Variants in LRBA observed in about 807,000 individuals in gnomAD.
LRBA encodes LPS responsive beige-like anchor protein.
Under a neutral mutation model 330.0 loss-of-function variants are expected in LRBA, and 176 were observed. The observed-to-expected ratio is 0.53, with a 90% CI of 0.47 to 0.60. The LOEUF (loss-of-function observed/expected upper bound fraction) is 0.60. Among genes scored for constraint, LRBA ranks in the 20% least tolerant of loss-of-function variants. The pLI is 0.00. For synonymous variants in LRBA, 1,230 were observed against 1,193.0 expected (o/e 1.03, Z -0.64); for missense variants, 3,259 against 3,444.8 (o/e 0.95, Z 1.35).
At chr4:150,579,566 T>C (rs1770973285) in intron 40 of LRBA, 1 of 427,174 alleles carries the variant, frequency 2.3e-6, no homozygotes. Flanking sequence ...ATCAAAACAT[T>C]TGTAACGTTT....
intron 22 of LRBA, among the ~76,000 whole-genome samples, chr4:150,855,224 C>T (rs1751083665): frequency 1.3e-5 from 2 of 152,288 alleles, no homozygotes; most frequent in East Asian, 3.9e-4. Context: ...AATAGCACCA[C>T]TGCACTCCAC....
At chr4:150,790,882 T>G (rs1193208910) in intron 34 of LRBA, among the ~76,000 whole-genome samples, 1 of 152,078 alleles carries the variant, frequency 6.6e-6, no homozygotes, top group East Asian at 1.9e-4. Context: ...ACAATATGAG[T>G]GTATTAGAAG....
At chr4:150,730,324 A>G (rs78116741) in intron 36 of LRBA, among the ~76,000 whole-genome samples, 40 of 152,328 alleles carry the variant, frequency 2.6e-4, no homozygotes, top group Non-Finnish European at 5.4e-4. Flanking sequence ...CCAATTTAAA[A>G]ATGGGCAAAA....
intron 40 of LRBA, among the ~76,000 whole-genome samples, chr4:150,568,391 A>C (rs1304410938): frequency 1.3e-5 from 2 of 152,160 alleles, no homozygotes; most frequent in African/African-American, 4.8e-5. Context: ...AACTAGAATA[A>C]AGCATGTATT....
At chr4:150,982,046 C>A (rs969176398) in intron 2 of LRBA, among the ~76,000 whole-genome samples, 102 of 151,274 alleles carry the variant, frequency 6.7e-4, no homozygotes, top group African/African-American at 2.4e-3. Flanking sequence ...AATGATGCAT[C>A]TTACAATAGC....
intron 19 of LRBA, among the ~76,000 whole-genome samples, chr4:150,871,132 A>C (rs1482481926): frequency 6.6e-6 from 1 of 152,188 alleles, no homozygotes; most frequent in Non-Finnish European, 1.5e-5. Flanking sequence ...AATCCCAGCT[A>C]CTGGGGAGGC....
chr4:150,924,938 T>C (rs1224083178), intron 4 of LRBA, among the ~76,000 whole-genome samples: 2 of 152,098 alleles, frequency 1.3e-5, no homozygotes, highest in Non-Finnish European at 2.9e-5. Context: ...ATCCTAGCAC[T>C]CTGGGAGGAC....
At chr4:150,874,620 G>C (rs1314066348) in intron 17 of LRBA, among the ~76,000 whole-genome samples, 1 of 152,196 alleles carries the variant, frequency 6.6e-6, no homozygotes, top group East Asian at 1.9e-4. Flanking sequence ...ATGTGTCATT[G>C]CTGGGTGCTC....
chr4:150,624,576 C>G (rs1401654407), intron 37 of LRBA, among the ~76,000 whole-genome samples: 3 of 151,966 alleles, frequency 2.0e-5, no homozygotes, highest in Non-Finnish European at 4.4e-5. Context: ...TAATCTTGAA[C>G]AACAAATGTG....
At chr4:150,671,031 TGTGTGTGTGTGA>T (rs933168073) in intron 37 of LRBA, among the ~76,000 whole-genome samples, 1 of 147,620 alleles carries the variant, frequency 6.8e-6, no homozygotes, top group African/African-American at 2.6e-5. Context: ...TGTGTGTGTG[TGTGTGTGTGTGA>T]GAGAGAGAGA....
At position 150,639,791 on chromosome 4, in the gene LRBA, GTATATATATATATA is replaced by G. The variant is rs1159678626; in HGVS notation, c.5922-40674_5922-40661del. On this transcript the variant is annotated intron_variant, in intron 37 of 56. Transcript: ENST00000651943. ...TATATATATATATATATGTGTGTGT[GTATATATATATATA>G]TGTGTGTGTGTGTGTATATATATAT... 5.3e-4 allele frequency among the ~76,000 whole-genome samples: 3 copies of G among 5,638 alleles called. 1 individual carries two copies. Among genetic ancestry groups the G allele is most frequent in the Admixed American group, 7.4e-3 (2 of 272 alleles). The allele number at this position is 5,638 out of a possible 152,430, so 3.7% of individuals were successfully genotyped here.
intron 37 of LRBA, among the ~76,000 whole-genome samples, chr4:150,651,752 T>C (rs1269841634): frequency 2.0e-5 from 3 of 152,158 alleles, no homozygotes; most frequent in African/African-American, 7.2e-5. Flanking sequence ...CAGTAGGCAA[T>C]GTATTATGTT....
chr4:150,850,768 A>C lies in LRBA; in HGVS notation c.3960T>G (p.Thr1320=), dbSNP rs1560912818. The C allele has an allele frequency of 2.5e-6, 4 of 1,613,442 alleles. No individual in the cohort carries two copies. Among genetic ancestry groups the C allele is most frequent in the Non-Finnish European group, 3.4e-6 (4 of 1,179,562 alleles). ...NWSQMHQRLL[T]DLLFSIETDI... ...CTGTTTCTATTGAAAATAATAGATC[A>C]GTGAGCAAACGTTGATGCATCTGAG... The change falls in exon 24 of 57, where the codon ACT becomes ACG. Residue 1320 remains threonine, a synonymous_variant. Transcript: ENST00000651943.
intron 31 of LRBA, among the ~76,000 whole-genome samples, chr4:150,811,352 T>C (rs1276238218): frequency 6.7e-6 from 1 of 150,086 alleles, no homozygotes; most frequent in Non-Finnish European, 1.5e-5. Flanking sequence ...AAGGAACACA[T>C]AAGGACCCAT....
chr4:150,319,170 T>C (rs1336968595), intron 50 of LRBA, among the ~76,000 whole-genome samples: 1 of 152,174 alleles, frequency 6.6e-6, no homozygotes, highest in Non-Finnish European at 1.5e-5. Context: ...AGCCCTGTGG[T>C]TGAGCCAGCT....
chr4:150,630,793 C>T (rs1225447772), intron 37 of LRBA, among the ~76,000 whole-genome samples: 1 of 151,964 alleles, frequency 6.6e-6, no homozygotes, highest in African/African-American at 2.4e-5. Context: ...ATACCTTTAA[C>T]ATAAAGGTAG....
intron 4 of LRBA, 73 bp from the exon 5 acceptor site, chr4:150,921,366 T>G (rs1733242876): frequency 1.1e-6 from 1 of 876,662 alleles, no homozygotes; most frequent in Admixed American, 1.8e-5. Flanking sequence ...TTTAATATAG[T>G]CTTGCTGTAA....
chr4:150,708,212 T>G (rs547851091), intron 36 of LRBA, among the ~76,000 whole-genome samples: 1 of 151,926 alleles, frequency 6.6e-6, no homozygotes, highest in South Asian at 2.1e-4. Flanking sequence ...TTCATCTCTG[T>G]CAGCTCCTGC....
chr4:150,654,408 C>T (rs917405146), intron 37 of LRBA, among the ~76,000 whole-genome samples: 1 of 152,076 alleles, frequency 6.6e-6, no homozygotes, highest in Non-Finnish European at 1.5e-5. Flanking sequence ...AGGCTTGTCT[C>T]GAACTCATGA....
Sources: gnomAD v4.1 joint callset for allele counts (sites outside exome capture counted in the v4.1 genomes callset) on GRCh38, gnomAD v4.1.1 for gene constraint, MANE v1.5 for transcripts, NCBI Gene and HGNC (gene_info 2026-07-23, HGNC 2026-07-21) for gene names.